Variants in BCAR1 observed in about 807,000 individuals in gnomAD.
BCAR1 encodes the protein BCAR1 scaffold protein, Cas family member.
A neutral mutation model predicts 67.6 loss-of-function variants in BCAR1; 30 were observed. That is an observed-to-expected ratio of 0.44 (90% CI 0.33 to 0.60). The LOEUF (loss-of-function observed/expected upper bound fraction) is 0.60, where lower values mean the gene tolerates loss of function less well. BCAR1 is among the 20% of genes least tolerant of loss of function. The pLI, the probability that BCAR1 is intolerant of heterozygous loss-of-function variation, is 0.02. For missense variants in BCAR1, 1,313 were observed against 1,222.3 expected, an observed-to-expected ratio of 1.07 and a Z score of -1.11; for synonymous variants, 626 against 556.7, an observed-to-expected ratio of 1.12 and a Z score of -1.75.
Position 75,250,986 on chromosome 16 carries a change from C to G in BCAR1, c.12+485G>C, listed in dbSNP as rs1279474083. The G allele has an allele frequency of 3.0e-6, 3 of 986,044 alleles. No homozygotes were observed. The African/African-American group carries it at 5.2e-5, about 17-fold the overall frequency. The allele number at this position is 986,044 out of a possible 1,614,324, so 61.1% of individuals were successfully genotyped here. Reference sequence around the variant, plus strand: ...TGCTCCGGCTGCGCAGCCTTCCCCGCTGGCGCCACGCACTTGCCCGCCCGG... The same window carrying G: ...TGCTCCGGCTGCGCAGCCTTCCCCGGTGGCGCCACGCACTTGCCCGCCCGG... On this transcript the variant is annotated intron_variant, in intron 1 of 6. Transcript: ENST00000162330.
At chr16:75,254,238 G>A (rs957546652), upstream of BCAR1, among the ~76,000 whole-genome samples, 1 of 152,188 alleles carries the variant, frequency 6.6e-6, no homozygotes, top group Admixed American at 6.5e-5. Context: ...GCAGCAGGAA[G>A]GGAATCTAGG....
chr16:75,239,101 C>A (rs1007426370), intron 2 of BCAR1: 3 of 985,238 alleles, frequency 3.0e-6, no homozygotes, highest in African/African-American at 3.5e-5. Flanking sequence ...CCACAGTGAC[C>A]AAATGTTTCT....
chr16:75,250,744 CCATG>C, intron 1 of BCAR1: 1 of 985,570 alleles, frequency 1.0e-6, no homozygotes, highest in Non-Finnish European at 1.2e-6. Context: ...GGTCCCCCAA[CCATG>C]GACTCCAAAG....
At chr16:75,236,117 C>G in intron 4 of BCAR1, 131 bp from the exon 5 acceptor site, 1 of 1,149,864 alleles carries the variant, frequency 8.7e-7, no homozygotes, top group Non-Finnish European at 1.2e-6. Flanking sequence ...CACGCGCACA[C>G]ACACAGGCAC....
At chr16:75,255,335 G>A (rs1251467384), upstream of BCAR1, among the ~76,000 whole-genome samples, 4 of 152,232 alleles carry the variant, frequency 2.6e-5, no homozygotes, top group Admixed American at 6.5e-5. Flanking sequence ...CCGGAGGTGA[G>A]CACTGCCAGC....
At chr16:75,234,180 C>T (rs934939157) in intron 5 of BCAR1, among the ~76,000 whole-genome samples, 9 of 150,246 alleles carry the variant, frequency 6.0e-5, no homozygotes, top group Middle Eastern at 3.2e-3. Flanking sequence ...CACACACACA[C>T]ACACACACAC....
intron 1 of BCAR1, chr16:75,263,283 C>G (rs1478104345): frequency 2.0e-6 from 2 of 985,332 alleles, no homozygotes; most frequent in Admixed American, 6.1e-5. Context: ...CCTGCCACCC[C>G]TAAACATGGA....
At chr16:75,259,886 T>C (rs1471056756) in intron 1 of BCAR1, among the ~76,000 whole-genome samples, 1 of 128,474 alleles carries the variant, frequency 7.8e-6, no homozygotes, top group African/African-American at 2.9e-5. Flanking sequence ...ATAAAACCAA[T>C]ATGCTCGAGG....
At chr16:75,251,743 C>T (rs1311032781), upstream of BCAR1, 10 of 955,716 alleles carry the variant, frequency 1.0e-5, no homozygotes, top group Non-Finnish European at 1.2e-5. Flanking sequence ...GTCGGGGGCG[C>T]GGGCGCGCAG....
chr16:75,246,789 AG>A (rs1296550788), intron 1 of BCAR1: 1 of 152,280 alleles, frequency 6.6e-6, no homozygotes, highest in Non-Finnish European at 1.5e-5. Context: ...TTCAAACTGG[AG>A]GAGAGGCCAG....
chr16:75,263,232 G>A, intron 1 of BCAR1: 1 of 963,002 alleles, frequency 1.0e-6, no homozygotes, highest in Non-Finnish European at 1.2e-6. Flanking sequence ...TCTGCAGCTG[G>A]AAGCTGGCCT....
At chr16:75,230,270 G>A (rs2076855842) in intron 6 of BCAR1, among the ~76,000 whole-genome samples, 1 of 152,126 alleles carries the variant, frequency 6.6e-6, no homozygotes, top group African/African-American at 2.4e-5. Flanking sequence ...GAACATTTTT[G>A]AAATGACAAG....
intron 1 of BCAR1, among the ~76,000 whole-genome samples, chr16:75,259,850 TAAA>T (rs144448216): frequency 4.1e-5 from 3 of 73,460 alleles, no homozygotes; most frequent in Non-Finnish European, 5.0e-5. Context: ...AGACTCCATC[TAAA>T]AAAAAAAAAA....
At chr16:75,236,645 C>T (rs1045306535) in intron 4 of BCAR1, 2 of 721,484 alleles carry the variant, frequency 2.8e-6, no homozygotes, top group Admixed American at 3.6e-5. Flanking sequence ...CTTGCGGATA[C>T]CCTCTCAGGA....
chr16:75,238,844 G>A, intron 2 of BCAR1: 1 of 985,402 alleles, frequency 1.0e-6, no homozygotes, highest in Non-Finnish European at 1.2e-6. Flanking sequence ...AGGTTGGCTG[G>A]GCCTCGAGGC....
chr16:75,237,128 G>A, intron 3 of BCAR1, 55 bp downstream of exon 3: 3 of 1,498,338 alleles, frequency 2.0e-6, no homozygotes, highest in Non-Finnish European at 2.7e-6. Context: ...CCAGGGCCAA[G>A]CAGAGGCACA....
Position 75,229,406 on chromosome 16 carries a change from C to A in BCAR1, c.*105G>T. Reference sequence around the variant, plus strand: ...CCAGGGCACCAGGACCGACGCAGAGCTGGGGTCCTGTCCCTAAGCCTGTGG... The same window carrying A: ...CCAGGGCACCAGGACCGACGCAGAGATGGGGTCCTGTCCCTAAGCCTGTGG... On this transcript the variant is annotated 3_prime_UTR_variant, in exon 7 of 7. Coordinates refer to ENST00000162330, the MANE Select transcript of BCAR1 (RefSeq NM_014567.5). The A allele has an allele frequency of 7.1e-7, 1 of 1,409,900 alleles. No homozygotes were observed. The highest frequency in any genetic ancestry group is 9.3e-7 in the Non-Finnish European group (1 of 1,076,026). 87.3% of individuals were successfully genotyped at this position (1,409,900 alleles called of 1,614,324 possible). A position where few individuals can be genotyped will look rare whatever the true frequency, so the allele number is the denominator to read the frequency against.
Position 75,242,757 on chromosome 16 carries a change from GGTAGACGCT to G in BCAR1, c.337_345del (p.Ser113_Tyr115del), listed in dbSNP as rs1567607208. 2.4e-5 allele frequency: 39 copies of G among 1,594,016 alleles called. No homozygotes were observed. The highest frequency in any genetic ancestry group is 3.2e-5 in the Non-Finnish European group (38 of 1,170,470). On this transcript the variant is annotated inframe_deletion, in exon 2 of 7. Coordinates refer to ENST00000162330, the MANE Select transcript of BCAR1 (RefSeq NM_014567.5). ...TGAGCCTTGCTGGGAGTGGGCACCA[GGTAGACGCT>G]GTCTGGCTGGGGCTGGTAGGTGTTG...
chr16:75,266,006 A>T, intron 1 of BCAR1: 1 of 1,032,844 alleles, frequency 9.7e-7, no homozygotes, highest in Non-Finnish European at 1.2e-6. Context: ...CGCGCCGCGC[A>T]TGCGCCGCCC....
Sources: allele counts gnomAD v4.1 joint callset (sites outside exome capture counted in the v4.1 genomes callset), GRCh38; gene constraint gnomAD v4.1.1; transcripts MANE v1.5; gene names NCBI Gene and HGNC (gene_info 2026-07-23, HGNC 2026-07-21).